AFF2: variants seen among roughly 807,000 people sequenced by gnomAD.
AFF2 encodes ALF transcription elongation factor 2, also known as AF4/FMR2 family member 2.
In AFF2, 14 loss-of-function variants were observed where a neutral mutation model predicts 76.9. The observed-to-expected ratio is 0.18, with a 90% CI of 0.12 to 0.28. The LOEUF (loss-of-function observed/expected upper bound fraction) is 0.28, where lower values mean the gene tolerates loss of function less well. Among genes scored for constraint, AFF2 ranks in the 10% least tolerant of loss-of-function variants. The pLI, the probability that AFF2 is intolerant of heterozygous loss-of-function variation, is 1.00. For synonymous variants in AFF2, 398 were observed against 366.7 expected, an observed-to-expected ratio of 1.09 and a Z score of -0.98; for missense variants, 868 against 1,001.1, an observed-to-expected ratio of 0.87 and a Z score of 1.79.
At chrX:148,577,146 C>T (rs1344855852) in intron 1 of AFF2, among the ~76,000 whole-genome samples, 1 of 112,153 alleles carries the variant, frequency 8.9e-6, no homozygotes. Flanking sequence ...GTGTGTTAGA[C>T]AATTGCTATT....
intron 7 of AFF2, among the ~76,000 whole-genome samples, chrX:148,881,071 C>T (rs945860778): frequency 2.1e-4 from 24 of 111,975 alleles, no homozygotes; most frequent in African/African-American, 7.5e-4. Flanking sequence ...GAGAATCAGT[C>T]ACCAGCATTG....
At chrX:148,798,272 G>A (rs1324583127) in intron 3 of AFF2, among the ~76,000 whole-genome samples, 1 of 111,659 alleles carries the variant, frequency 9.0e-6, no homozygotes, top group Non-Finnish European at 1.9e-5. Flanking sequence ...TTATTCATGA[G>A]GGCAGAGCCC....
At chrX:148,819,489 A>G (rs1276224711) in intron 4 of AFF2, among the ~76,000 whole-genome samples, 1 of 111,093 alleles carries the variant, frequency 9.0e-6, no homozygotes, top group Non-Finnish European at 1.9e-5. Context: ...CAAATCATTT[A>G]CTCATTTACT....
intron 9 of AFF2, among the ~76,000 whole-genome samples, chrX:148,908,449 G>A (rs781819156): frequency 3.6e-5 from 4 of 111,873 alleles, no homozygotes; most frequent in South Asian, 3.7e-4. Context: ...CCATGGCTTC[G>A]GCCGGTCCCT....
chrX:148,672,543 G>A (rs2054436304), intron 3 of AFF2, among the ~76,000 whole-genome samples: 1 of 111,682 alleles, frequency 9.0e-6, no homozygotes, highest in African/African-American at 3.3e-5. Flanking sequence ...TCTAAAAGTA[G>A]CTCCTCTACT....
chrX:148,936,136 C>CA (rs1349821105), intron 9 of AFF2, among the ~76,000 whole-genome samples: 1 of 110,730 alleles, frequency 9.0e-6, no homozygotes, highest in African/African-American at 3.3e-5. Context: ...ATGAGACACA[C>CA]AATAGAATAT....
At chrX:148,968,902 G>T (rs1453135684) in intron 15 of AFF2, among the ~76,000 whole-genome samples, 2 of 112,071 alleles carry the variant, frequency 1.8e-5, no homozygotes, top group Non-Finnish European at 3.8e-5. Flanking sequence ...GGATGGTAAT[G>T]CTGCTCCCTC....
chrX:148,989,520 A>G (rs1557292029), intron 20 of AFF2, among the ~76,000 whole-genome samples: 1 of 112,252 alleles, frequency 8.9e-6, no homozygotes, highest in African/African-American at 3.2e-5. Context: ...TGGGGTTTTC[A>G]GCGGACTGGG....
rs781814703 is a variant in AFF2, at chrX:148,953,709, T to G, written c.1527T>G (p.Ser509=). The G allele has an allele frequency of 1.1e-5, 13 of 1,208,219 alleles. No individual in the cohort carries two copies. The highest frequency in any genetic ancestry group is 2.3e-4 in the Middle Eastern group (1 of 4,375). The change falls in exon 10 of 21, where the codon TCT becomes TCG. Residue 509 remains serine, a synonymous_variant. Transcript: ENST00000370460. ...DTESSTTDSE[S]NEAPRVATPE... ...AAAGTAGCACCACTGACAGCGAATCTAATGAGGCACCTCGTGTGGCAACTC... is the reference window on the plus strand; with the variant it reads ...AAAGTAGCACCACTGACAGCGAATCGAATGAGGCACCTCGTGTGGCAACTC...
chrX:148,881,980 G>C (rs1032555735), intron 7 of AFF2, among the ~76,000 whole-genome samples: 1 of 111,145 alleles, frequency 9.0e-6, no homozygotes, highest in Admixed American at 9.6e-5. Flanking sequence ...TTTGAACTCA[G>C]GTCTGTTTGG....
At chrX:148,824,432 G>C (rs1603306770) in intron 4 of AFF2, among the ~76,000 whole-genome samples, 1 of 111,794 alleles carries the variant, frequency 8.9e-6, no homozygotes, top group East Asian at 2.8e-4. Context: ...AACAAATAAA[G>C]GTAGCTATGT....
At position 148,999,971 on chromosome X, in the gene AFF2, C is replaced by T. The variant is rs2072657103; in HGVS notation, c.*8639C>T. 1 of 111,482 alleles carries T rather than the reference C, an allele frequency of 9.0e-6. No individual in the cohort carries two copies. The highest frequency in any genetic ancestry group is 3.3e-5 in the African/African-American group (1 of 30,595). 9.2% of individuals were successfully genotyped at this position (111,482 alleles called of 1,213,427 possible). On this transcript the variant is annotated 3_prime_UTR_variant, in exon 21 of 21. Transcript: ENST00000370460. ...CCCTCAGTGTTGAAGTTGACTTGCTCCAAGCTGCAGTCTAAAACCCTGGGG... is the reference window on the plus strand; with the variant it reads ...CCCTCAGTGTTGAAGTTGACTTGCTTCAAGCTGCAGTCTAAAACCCTGGGG...
intron 1 of AFF2, among the ~76,000 whole-genome samples, chrX:148,523,822 G>T (rs2052626356): frequency 8.9e-6 from 1 of 111,854 alleles, no homozygotes; most frequent in Admixed American, 9.5e-5. Context: ...CTTGGATCCA[G>T]TTCCTCCAGA....
At chrX:148,808,108 A>G (rs782391671) in intron 3 of AFF2, among the ~76,000 whole-genome samples, 212 of 112,557 alleles carry the variant, frequency 1.9e-3, no homozygotes, top group African/African-American at 6.6e-3. Context: ...AAAGGGGGAT[A>G]CAATATGGGT....
At chrX:148,636,819 AC>A (rs1557253897) in intron 1 of AFF2, among the ~76,000 whole-genome samples, 2 of 110,279 alleles carry the variant, frequency 1.8e-5, no homozygotes, top group South Asian at 3.8e-4. Flanking sequence ...GAAAAAAAAA[AC>A]CAGACATAAA....
chrX:148,609,736 C>T (rs1263733552), intron 1 of AFF2, among the ~76,000 whole-genome samples: 6 of 111,725 alleles, frequency 5.4e-5, no homozygotes, highest in Non-Finnish European at 1.1e-4. Context: ...CTGTTAAAGC[C>T]TGTACCCTGA....
rs782667723 is a variant in AFF2 at position 148,634,739 on chromosome X, C to T, written c.48-17260C>T. Among the ~76,000 whole-genome samples the T allele has an allele frequency of 6.3e-5, 7 of 111,436 alleles. No homozygotes were observed. In the South Asian group the frequency reaches 2.7e-3, roughly 42 times the overall value. On this transcript the variant is annotated intron_variant, in intron 1 of 20. Coordinates refer to ENST00000370460, the MANE Select transcript of AFF2 (RefSeq NM_002025.4). ...CTTATTTGAGGGTCACAGCAATCCC[C>T]GGAGATACTTAACTGTTGAGAAGAG...
chrX:148,671,657 G>T (rs241121), intron 3 of AFF2, among the ~76,000 whole-genome samples: 34,224 of 110,558 alleles, frequency 0.31, 5,177 homozygotes, highest in African/African-American at 0.6. Context: ...GAGCCCTGCC[G>T]GCACACATTC....
intron 3 of AFF2, among the ~76,000 whole-genome samples, chrX:148,734,734 G>A (rs1020849792): frequency 1.8e-5 from 2 of 112,185 alleles, no homozygotes; most frequent in Admixed American, 9.5e-5. Context: ...AACAGAGGCA[G>A]TGAAACCCAA....
Sources: gnomAD v4.1 joint callset for allele counts (sites outside exome capture counted in the v4.1 genomes callset) on GRCh38, gnomAD v4.1.1 for gene constraint, MANE v1.5 for transcripts, NCBI Gene and HGNC (gene_info 2026-07-23, HGNC 2026-07-21) for gene names.